The following PTPN14 variants were observed in gnomAD, a reference collection of about 807,000 sequenced individuals.
PTPN14 encodes the protein tyrosine-protein phosphatase non-receptor type 14.
PTPN14 carries 53 observed loss-of-function variants against 126.8 expected under a neutral mutation model. The ratio of observed to expected loss-of-function variants is 0.42; its 90% confidence interval spans 0.34 to 0.53. The LOEUF (loss-of-function observed/expected upper bound fraction) is 0.53, where lower values mean the gene tolerates loss of function less well. Ranked by LOEUF, PTPN14 falls within the 20% of genes least tolerant of loss-of-function variation. The pLI, the probability that PTPN14 is intolerant of heterozygous loss-of-function variation, is 0.08. For synonymous variants in PTPN14, 630 were observed against 599.3 expected, an observed-to-expected ratio of 1.05 and a Z score of -0.75; for missense variants, 1,257 against 1,552.9, an observed-to-expected ratio of 0.81 and a Z score of 3.20.
At chr1:214,403,375 C>A (rs1343139623) in intron 5 of PTPN14, among the ~76,000 whole-genome samples, 1 of 152,190 alleles carries the variant, frequency 6.6e-6, no homozygotes, top group Non-Finnish European at 1.5e-5. Flanking sequence ...CTGTGCCAGG[C>A]CTTTCTGTAT....
chr1:214,534,206 T>C (rs1291563463), intron 1 of PTPN14, among the ~76,000 whole-genome samples: 1 of 152,178 alleles, frequency 6.6e-6, no homozygotes, highest in East Asian at 1.9e-4. Context: ...CAGGGAGCAA[T>C]CTGGCCATAT....
intron 13 of PTPN14, among the ~76,000 whole-genome samples, chr1:214,380,069 G>A (rs1658437516): frequency 6.6e-6 from 1 of 152,180 alleles, no homozygotes; most frequent in Admixed American, 6.5e-5. Context: ...ACCCCCTGGG[G>A]GAAGATTCTG....
rs1355640207 is a variant in PTPN14, at chr1:214,432,348, T to C, written c.345-17622A>G. 2.0e-5 allele frequency among the ~76,000 whole-genome samples: 3 copies of C among 152,144 alleles called. No homozygotes were observed. The East Asian group carries it at 5.8e-4, about 29-fold the overall frequency. On this transcript the variant is annotated intron_variant, in intron 3 of 18. Transcript: ENST00000366956. ...TACAGAAAGAAAGAAAAAAGAAACA[T>C]AAGACCAAGTATTTAAGATTTCTCA...
intron 1 of PTPN14, among the ~76,000 whole-genome samples, chr1:214,487,920 C>G (rs1317789709): frequency 6.6e-6 from 1 of 152,206 alleles, no homozygotes; most frequent in African/African-American, 2.4e-5. Flanking sequence ...ATTACAGGAT[C>G]GCTTTCCTGG....
At chr1:214,407,882 T>C (rs562921825) in intron 5 of PTPN14, among the ~76,000 whole-genome samples, 5 of 152,320 alleles carry the variant, frequency 3.3e-5, no homozygotes, top group Admixed American at 6.5e-5. Context: ...AAGGAGCCCA[T>C]GCATTCTAAC....
intron 3 of PTPN14, among the ~76,000 whole-genome samples, chr1:214,421,870 T>C (rs930930146): frequency 2.0e-5 from 3 of 152,118 alleles, no homozygotes; most frequent in African/African-American, 7.2e-5. Flanking sequence ...AGAGGAAATG[T>C]ATCTCCTCTC....
At chr1:214,460,417 A>G (rs1434160432) in intron 2 of PTPN14, among the ~76,000 whole-genome samples, 1 of 151,526 alleles carries the variant, frequency 6.6e-6, no homozygotes, top group African/African-American at 2.4e-5. Flanking sequence ...CAACACACAC[A>G]CACACACATC....
chr1:214,361,251 T>C (rs1657949129), intron 18 of PTPN14, among the ~76,000 whole-genome samples: 1 of 152,224 alleles, frequency 6.6e-6, no homozygotes, highest in Admixed American at 6.5e-5. Context: ...GAATAGTGCG[T>C]ATACATGGTA....
chr1:214,516,439 TC>T, intron 1 of PTPN14, among the ~76,000 whole-genome samples: 1 of 152,138 alleles, frequency 6.6e-6, no homozygotes, highest in African/African-American at 2.4e-5. Context: ...TTTAAAAGAG[TC>T]ATCACTGTGC....
At position 214,451,901 on chromosome 1, in the gene PTPN14, T is replaced by C. The variant is rs140596318; in HGVS notation, c.248A>G (p.Lys83Arg). Reference sequence around the variant, plus strand: ...ATTAGCGAATTTGTCCAGATGTTTCTTCAGAGGTTTCTCCAGCTCCACCCA... The same window carrying C: ...ATTAGCGAATTTGTCCAGATGTTTCCTCAGAGGTTTCTCCAGCTCCACCCA... Reference protein sequence around the residue: ...ARWVELEKPLKKHLDKFANEP... With the variant: ...ARWVELEKPLRKHLDKFANEP... Residue 83 changes from lysine (K) to arginine (R), a missense_variant, in exon 3 of 19, where the codon AAG becomes AGG. Around this residue, in one of 3 missense-constraint regions of PTPN14, gnomAD observed 1,021 missense variants for 1,183.3 expected, o/e 0.86. Coordinates refer to ENST00000366956, the MANE Select transcript of PTPN14 (RefSeq NM_005401.5). 2 of 1,614,234 alleles carry C rather than the reference T, an allele frequency of 1.2e-6. No homozygotes were observed. The highest frequency in any genetic ancestry group is 4.5e-5 in the East Asian group (2 of 44,886).
Position 214,353,159 on chromosome 1 carries a change from C to G in PTPN14, c.*4763G>C, listed in dbSNP as rs139563329. On this transcript the variant is annotated 3_prime_UTR_variant, in exon 19 of 19. Transcript: ENST00000366956. Reference sequence around the variant, plus strand: ...CGAAAATCAGTAACGAAATAGTTGTCCTTTACCAAAGGGGGCAATCAAGGA... The same window carrying G: ...CGAAAATCAGTAACGAAATAGTTGTGCTTTACCAAAGGGGGCAATCAAGGA... 7.9e-5 allele frequency: 12 copies of G among 152,092 alleles called. No individual in the cohort carries two copies. The East Asian group carries it at 2.3e-3, about 29-fold the overall frequency. The allele number at this position is 152,092 out of a possible 1,614,324, so 9.4% of individuals were successfully genotyped here. A position where few individuals can be genotyped will look rare whatever the true frequency, so the allele number is the denominator to read the frequency against.
At chr1:214,454,641 G>A (rs1316823542) in intron 2 of PTPN14, among the ~76,000 whole-genome samples, 2 of 152,168 alleles carry the variant, frequency 1.3e-5, no homozygotes, top group African/African-American at 2.4e-5. Flanking sequence ...CAAGAGAAAT[G>A]ATAGTAAGGC....
chr1:214,453,467 T>C (rs932735320), intron 2 of PTPN14, among the ~76,000 whole-genome samples: 1 of 152,230 alleles, frequency 6.6e-6, no homozygotes, highest in Non-Finnish European at 1.5e-5. Context: ...AGTTTTCTCC[T>C]CTGCAAAATG....
Position 214,384,556 on chromosome 1 carries a change from C to T in PTPN14, c.1299G>A (p.Ala433=), listed in dbSNP as rs368077833. ...TTGGCCTGTACGAGGGCACGATGATCGCGCTGTGCCGGTGGCTCGGGATGT... is the reference window on the plus strand; with the variant it reads ...TTGGCCTGTACGAGGGCACGATGATTGCGCTGTGCCGGTGGCTCGGGATGT... ...ADYIPSHRHS[A]IIVPSYRPTP... Residue 433 remains alanine, a synonymous_variant, in exon 13 of 19, where the codon GCG becomes GCA. Coordinates refer to ENST00000366956, the MANE Select transcript of PTPN14 (RefSeq NM_005401.5). The surrounding 1 kb of genome is among the most constrained non-coding windows in gnomAD (Gnocchi z 5.3). 15 of 1,613,966 alleles carry T rather than the reference C, an allele frequency of 9.3e-6. No individual in the cohort carries two copies. Among genetic ancestry groups the T allele is most frequent in the East Asian group, 6.7e-5 (3 of 44,886 alleles).
intron 10 of PTPN14, among the ~76,000 whole-genome samples, chr1:214,391,949 A>C (rs1373940324): frequency 1.3e-5 from 2 of 152,236 alleles, no homozygotes; most frequent in Non-Finnish European, 2.9e-5. Flanking sequence ...CAAGAAATTG[A>C]GGAGCCACTC....
chr1:214,482,838 A>G, intron 1 of PTPN14: 1 of 1,607,010 alleles, frequency 6.2e-7, no homozygotes, highest in Non-Finnish European at 8.5e-7. Flanking sequence ...TGGCACTTTT[A>G]TACTGATGTC....
chr1:214,420,419 A>C (rs1156669820), intron 3 of PTPN14, among the ~76,000 whole-genome samples: 1 of 152,250 alleles, frequency 6.6e-6, no homozygotes, highest in Non-Finnish European at 1.5e-5. Flanking sequence ...AGATTCCTTC[A>C]GTTTCAATGA....
At chr1:214,377,921 T>C (rs1227241634) in intron 14 of PTPN14, 38 bp downstream of exon 14, 1 of 1,594,666 alleles carries the variant, frequency 6.3e-7, no homozygotes, top group Non-Finnish European at 8.5e-7. Flanking sequence ...ATCCTAAGAC[T>C]ACAGAGAATG....
chr1:214,436,118 T>C (rs1659909503), intron 3 of PTPN14, among the ~76,000 whole-genome samples: 1 of 152,182 alleles, frequency 6.6e-6, no homozygotes, highest in Non-Finnish European at 1.5e-5. Context: ...GTGGAGGTCA[T>C]TATCCTAAGT....
Sources: allele counts gnomAD v4.1 joint callset (sites outside exome capture counted in the v4.1 genomes callset), GRCh38; gene constraint gnomAD v4.1.1; regional missense constraint gnomAD v4.1.1; non-coding constraint Gnocchi (gnomAD v3.1); transcripts MANE v1.5; gene names NCBI Gene and HGNC (gene_info 2026-07-23, HGNC 2026-07-21).